The following PIK3CB variants were observed in gnomAD, a reference collection of about 807,000 sequenced individuals.
PIK3CB encodes the protein phosphatidylinositol 4,5-bisphosphate 3-kinase catalytic subunit beta isoform.
Under a neutral mutation model 136.8 loss-of-function variants are expected in PIK3CB, and 39 were observed. That is an observed-to-expected ratio of 0.29 (90% CI 0.22 to 0.37). The LOEUF (loss-of-function observed/expected upper bound fraction) is 0.37, where lower values mean the gene tolerates loss of function less well. Among genes scored for constraint, PIK3CB ranks in the 10% least tolerant of loss-of-function variants. The pLI, the probability that PIK3CB is intolerant of heterozygous loss-of-function variation, is 1.00. For missense variants in PIK3CB, 868 were observed against 1,275.4 expected (o/e 0.68, Z 4.87); for synonymous variants, 428 against 436.6 (o/e 0.98, Z 0.25).
intron 2 of PIK3CB, among the ~76,000 whole-genome samples, chr3:138,789,003 C>T (rs1276721622): frequency 3.8e-4 from 47 of 125,154 alleles, no homozygotes; most frequent in Non-Finnish European, 6.4e-4. Context: ...CAAAAAACAA[C>T]ACCACAGAGT....
intron 2 of PIK3CB, chr3:138,778,181 T>C: frequency 4.4e-6 from 2 of 455,892 alleles, no homozygotes; most frequent in Admixed American, 4.7e-5. Flanking sequence ...GAAAGGGTCA[T>C]CATCTCTGCC....
At chr3:138,812,051 A>G (rs930194236) in intron 1 of PIK3CB, among the ~76,000 whole-genome samples, 5 of 152,126 alleles carry the variant, frequency 3.3e-5, no homozygotes, top group African/African-American at 1.2e-4. Flanking sequence ...TGATCGTACC[A>G]CTATGCTAAA....
At chr3:138,770,945 C>T (rs551078331) in intron 2 of PIK3CB, among the ~76,000 whole-genome samples, 2 of 152,010 alleles carry the variant, frequency 1.3e-5, no homozygotes, top group African/African-American at 4.8e-5. Context: ...CTCCTGACAT[C>T]GTGATCCACC....
intron 1 of PIK3CB, chr3:138,825,441 A>G: frequency 1.4e-6 from 1 of 695,402 alleles, no homozygotes; most frequent in Non-Finnish European, 2.6e-6. Flanking sequence ...GCCAATACAG[A>G]TATGAGGAAA....
At chr3:138,736,545 T>C (rs925351946) in intron 6 of PIK3CB, among the ~76,000 whole-genome samples, 2 of 152,214 alleles carry the variant, frequency 1.3e-5, no homozygotes, top group Non-Finnish European at 2.9e-5. Context: ...GACTATTTTT[T>C]AGTCTCCAAG....
At position 138,652,961 on chromosome 3, in the gene PIK3CB, C is replaced by A. The variant is rs2043142904; in HGVS notation, c.*2428G>T. On this transcript the variant is annotated 3_prime_UTR_variant, in exon 24 of 24. Coordinates refer to ENST00000674063, the MANE Select transcript of PIK3CB (RefSeq NM_006219.3). ...GCTGATGCTCCTCATCAGGGGACCA[C>A]ACTTGGAGAATGATTGCTATAGATT... 1 of 216,164 alleles carries A rather than the reference C, an allele frequency of 4.6e-6. No homozygotes were observed. The highest frequency in any genetic ancestry group is 5.8e-5 in the Admixed American group (1 of 17,184). 13.4% of individuals were successfully genotyped at this position (216,164 alleles called of 1,614,324 possible). A position where few individuals can be genotyped will look rare whatever the true frequency, so the allele number is the denominator to read the frequency against.
chr3:138,693,962 TA>T lies in PIK3CB; in HGVS notation c.1892+823del, dbSNP rs1444017277. 1.2e-3 allele frequency among the ~76,000 whole-genome samples: 44 copies of T among 35,268 alleles called. 1 individual carries two copies. The highest frequency in any genetic ancestry group is 4.6e-3 in the African/African-American group (27 of 5,928). The allele number at this position is 35,268 out of a possible 152,430, so 23.1% of individuals were successfully genotyped here. On this transcript the variant is annotated intron_variant, in intron 14 of 23. Transcript: ENST00000674063. Reference sequence around the variant, plus strand: ...ATATATATATATATATATATATATATATATTATATATATATATATATATATA... The same window carrying T: ...ATATATATATATATATATATATATATTATTATATATATATATATATATATA...
At position 138,781,143 on chromosome 3, in the gene PIK3CB, T is replaced by C. The variant is rs1447319848; in HGVS notation, c.-17+15320A>G. ...CATCTCTACAAAAAAATAAACAAAA[T>C]TAGCCAGGCATGGTGGTGCTCACCT... is the stretch of plus-strand genomic sequence containing the variant. On this transcript the variant is annotated intron_variant, in intron 2 of 23. Transcript: ENST00000674063. 2.0e-5 allele frequency among the ~76,000 whole-genome samples: 3 copies of C among 151,888 alleles called. No homozygotes were observed. The East Asian group carries it at 5.8e-4, about 29-fold the overall frequency.
Position 138,689,518 on chromosome 3 carries a change from T to C in PIK3CB, c.2037-544A>G, listed in dbSNP as rs534414698. On this transcript the variant is annotated intron_variant, in intron 15 of 23. Transcript: ENST00000674063. ...ATGTGGCCAGGCTGGTCTAAACTCC[T>C]GGCCTCAAGTGATCCATCCACCTTG... is the stretch of plus-strand genomic sequence containing the variant. Among the ~76,000 whole-genome samples the C allele has an allele frequency of 7.9e-4, 121 of 152,334 alleles. 2 individuals are homozygous for C. In the South Asian group the frequency reaches 0.024, roughly 30 times the overall value.
intron 2 of PIK3CB, among the ~76,000 whole-genome samples, chr3:138,789,058 G>A (rs564166390): frequency 6.6e-6 from 1 of 151,020 alleles, no homozygotes; most frequent in East Asian, 1.9e-4. Context: ...TGGAGAAACT[G>A]GAAATCTTGT....
At chr3:138,733,214 T>A in intron 8 of PIK3CB, 147 bp downstream of exon 8, 1 of 410,406 alleles carries the variant, frequency 2.4e-6, no homozygotes, top group Non-Finnish European at 4.4e-6. Flanking sequence ...AAATTCTCAA[T>A]AGTCTTATAA....
intron 1 of PIK3CB, chr3:138,826,121 C>G (rs1283638645): frequency 1.3e-5 from 13 of 1,029,718 alleles, no homozygotes; most frequent in Non-Finnish European, 1.8e-5. Flanking sequence ...GCCCTAAATT[C>G]TTGAAGTCTG....
intron 1 of PIK3CB, chr3:138,824,914 AGTT>A (rs1559893256): frequency 6.7e-6 from 1 of 149,986 alleles, no homozygotes; most frequent in Non-Finnish European, 1.4e-5. Context: ...AAAAAAAAAA[AGTT>A]AGCTGGGCAT....
chr3:138,766,635 C>T (rs1313304652), intron 2 of PIK3CB, among the ~76,000 whole-genome samples: 1 of 152,172 alleles, frequency 6.6e-6, no homozygotes, highest in Non-Finnish European at 1.5e-5. Flanking sequence ...TCCTCACTTA[C>T]AAAGAAACAT....
chr3:138,702,764 A>G (rs189886108), intron 12 of PIK3CB, among the ~76,000 whole-genome samples: 68 of 152,268 alleles, frequency 4.5e-4, no homozygotes, highest in African/African-American at 1.4e-3. Flanking sequence ...TTTTAAATTT[A>G]TACACAAACA....
chr3:138,687,687 T>A (rs1006340791), intron 16 of PIK3CB, among the ~76,000 whole-genome samples: 1 of 152,188 alleles, frequency 6.6e-6, no homozygotes, highest in Non-Finnish European at 1.5e-5. Flanking sequence ...ACTTCTGGGC[T>A]TAAGTGATCC....
intron 2 of PIK3CB, among the ~76,000 whole-genome samples, chr3:138,790,357 A>C (rs1475765464): frequency 6.6e-6 from 1 of 151,956 alleles, no homozygotes; most frequent in Admixed American, 6.6e-5. Flanking sequence ...TCACACCTAT[A>C]ATCCTAGCAT....
At chr3:138,812,423 G>A (rs191874761) in intron 1 of PIK3CB, among the ~76,000 whole-genome samples, 45 of 151,652 alleles carry the variant, frequency 3.0e-4, no homozygotes, top group African/African-American at 1.0e-3. Flanking sequence ...TTTTAGTAGA[G>A]ATGGGGTTTC....
chr3:138,672,647 C>T (rs1388787148), intron 19 of PIK3CB, among the ~76,000 whole-genome samples: 3 of 152,032 alleles, frequency 2.0e-5, no homozygotes, highest in Non-Finnish European at 4.4e-5. Flanking sequence ...TGGCTCACGC[C>T]TGTAATCCCA....
Sources: gnomAD v4.1 joint callset for allele counts (sites outside exome capture counted in the v4.1 genomes callset) on GRCh38, gnomAD v4.1.1 for gene constraint, MANE v1.5 for transcripts, NCBI Gene and HGNC (gene_info 2026-07-23, HGNC 2026-07-21) for gene names.